The following MAPK14 variants were observed in gnomAD, a reference collection of about 807,000 sequenced individuals.
MAPK14 encodes mitogen-activated protein kinase 14.
A neutral mutation model predicts 49.6 loss-of-function variants in MAPK14; 16 were observed. The ratio of observed to expected loss-of-function variants is 0.32; its 90% CI spans 0.22 to 0.49. The LOEUF (loss-of-function observed/expected upper bound fraction) is 0.49, where lower values mean the gene tolerates loss of function less well. MAPK14 is among the 20% of genes least tolerant of loss of function. MAPK14 has a pLI of 0.99. For synonymous variants in MAPK14, 142 were observed against 158.0 expected, an observed-to-expected ratio of 0.90 and a Z score of 0.76; for missense variants, 200 against 441.2, an observed-to-expected ratio of 0.45 and a Z score of 4.90.
At chr6:36,082,394 G>A (rs1053886883) in intron 8 of MAPK14, among the ~76,000 whole-genome samples, 1 of 152,200 alleles carries the variant, frequency 6.6e-6, no homozygotes, top group Non-Finnish European at 1.5e-5. Context: ...TGTTGGGGAA[G>A]TTCTCTTCTT....
intron 3 of MAPK14, among the ~76,000 whole-genome samples, chr6:36,062,651 C>CT (rs1421324342): frequency 7.2e-6 from 1 of 139,074 alleles, no homozygotes; most frequent in South Asian, 2.4e-4. Flanking sequence ...TTTTTTTTTT[C>CT]TTTTTCTTTT....
intron 2 of MAPK14, 67 bp from the exon 3 acceptor site, chr6:36,059,222 A>T: frequency 1.0e-6 from 1 of 995,708 alleles, no homozygotes; most frequent in Non-Finnish European, 1.5e-6. Flanking sequence ...AAAGAAGATT[A>T]AGACCTGATG....
chr6:36,056,433 A>G (rs1047135889), intron 2 of MAPK14, among the ~76,000 whole-genome samples: 1 of 152,218 alleles, frequency 6.6e-6, no homozygotes, highest in Non-Finnish European at 1.5e-5. Flanking sequence ...TATTTACATA[A>G]CAGCCATTCA....
At chr6:36,074,015 A>T (rs1237490734) in intron 5 of MAPK14, 34 bp from the exon 6 acceptor site, 7 of 1,530,210 alleles carry the variant, frequency 4.6e-6, no homozygotes, top group Non-Finnish European at 6.3e-6. Flanking sequence ...TGCATCATAA[A>T]GTTGATCCTG....
chr6:36,063,442 T>G (rs1289423401), intron 3 of MAPK14, among the ~76,000 whole-genome samples: 2 of 152,002 alleles, frequency 1.3e-5, no homozygotes, highest in South Asian at 2.1e-4. Context: ...TTTAAAAAAT[T>G]AGCCGAGCAT....
rs548351355 is a variant in MAPK14, at chr6:36,033,491, AT to A, written c.116+5223del. Among the ~76,000 whole-genome samples the A allele has an allele frequency of 3.9e-3, 596 of 152,104 alleles. 4 individuals are homozygous for A. Among genetic ancestry groups the A allele is most frequent in the African/African-American group, 0.014 (561 of 41,498 alleles). ...GCCACCATGCCTGGCTGATTTTTGT[AT>A]TTTTAGTAGAGACGGGGTTTTACCA... On this transcript the variant is annotated intron_variant, in intron 1 of 11. Transcript: ENST00000229794.
chr6:36,120,075 A>G, the MAPK14 span, among the ~76,000 whole-genome samples: 1 of 152,156 alleles, frequency 6.6e-6, no homozygotes, highest in East Asian at 1.9e-4. Flanking sequence ...TCCCGGTTCC[A>G]CCACTGACAC....
intron 3 of MAPK14, among the ~76,000 whole-genome samples, chr6:36,061,440 T>A (rs1763817182): frequency 6.6e-6 from 1 of 152,232 alleles, no homozygotes; most frequent in African/African-American, 2.4e-5. Flanking sequence ...CAAATCTACC[T>A]TTGAACTAAG....
intron 1 of MAPK14, among the ~76,000 whole-genome samples, chr6:36,038,275 A>G (rs1046909846): frequency 6.6e-6 from 1 of 152,206 alleles, no homozygotes; most frequent in South Asian, 2.1e-4. Context: ...TAGGCTGAGG[A>G]TTAGCAAGTG....
At chr6:36,080,361 C>T (rs998251016) in intron 8 of MAPK14, among the ~76,000 whole-genome samples, 1 of 152,124 alleles carries the variant, frequency 6.6e-6, no homozygotes, top group African/African-American at 2.4e-5. Context: ...GCCCGTGAAA[C>T]AGTAACTTCC....
chr6:36,074,987 G>A (rs956576234), intron 6 of MAPK14, among the ~76,000 whole-genome samples: 1 of 151,782 alleles, frequency 6.6e-6, no homozygotes, highest in African/African-American at 2.4e-5. Context: ...AGCACTTTGG[G>A]AGGCCAAGGC....
At chr6:36,089,397 C>T (rs574795910) in intron 8 of MAPK14, among the ~76,000 whole-genome samples, 3 of 151,986 alleles carry the variant, frequency 2.0e-5, no homozygotes, top group Non-Finnish European at 4.4e-5. Flanking sequence ...GGGGGTCAGG[C>T]GGAGGGAACG....
chr6:36,122,847 A>T, the MAPK14 span, among the ~76,000 whole-genome samples: 1 of 152,252 alleles, frequency 6.6e-6, no homozygotes, highest in Admixed American at 6.5e-5. Context: ...TGTAGCTACA[A>T]ATGGAGGCAC....
chr6:36,036,559 A>C (rs1344400149), intron 1 of MAPK14, among the ~76,000 whole-genome samples: 1 of 151,972 alleles, frequency 6.6e-6, no homozygotes, highest in Non-Finnish European at 1.5e-5. Flanking sequence ...CCGTTGTCTT[A>C]TTTTTAGAAA....
At chr6:36,041,824 C>T (rs992918635) in intron 1 of MAPK14, among the ~76,000 whole-genome samples, 5 of 152,068 alleles carry the variant, frequency 3.3e-5, no homozygotes, top group South Asian at 4.2e-4. Flanking sequence ...ATTTGCCAGT[C>T]GTCCATCAGT....
intron 8 of MAPK14, among the ~76,000 whole-genome samples, chr6:36,089,381 T>G (rs963570335): frequency 5.3e-5 from 8 of 151,868 alleles, no homozygotes; most frequent in African/African-American, 1.2e-4. Context: ...GGCCTGTTGG[T>G]GGGGTGGGGG....
intron 1 of MAPK14, among the ~76,000 whole-genome samples, chr6:36,036,255 C>A (rs75198929): frequency 5.5e-3 from 578 of 104,650 alleles, no homozygotes; most frequent in African/African-American, 8.5e-3. Context: ...GAGTACATCT[C>A]AAAAAAAAAA....
At chr6:36,054,943 T>C (rs983358043) in intron 2 of MAPK14, among the ~76,000 whole-genome samples, 5 of 152,238 alleles carry the variant, frequency 3.3e-5, no homozygotes. Context: ...AGAGGGCACA[T>C]GTGATCTTTT....
At chr6:36,092,286 C>T (rs886388101) in intron 8 of MAPK14, 2 of 587,842 alleles carry the variant, frequency 3.4e-6, no homozygotes, top group African/African-American at 3.7e-5. Flanking sequence ...CAGCAGCGTC[C>T]CCTTTGTAGC....
Sources: allele counts gnomAD v4.1 joint callset (sites outside exome capture counted in the v4.1 genomes callset), GRCh38; gene constraint gnomAD v4.1.1; transcripts MANE v1.5; gene names NCBI Gene and HGNC (gene_info 2026-07-23, HGNC 2026-07-21).